Variants in BICD1 observed in about 807,000 individuals in gnomAD.
The protein encoded by BICD1 is BICD cargo adaptor 1.
In BICD1, 35 loss-of-function variants were observed where a neutral mutation model predicts 92.5. The ratio of observed to expected loss-of-function variants is 0.38; its 90% CI spans 0.29 to 0.50. The LOEUF is 0.50. Among genes scored for constraint, BICD1 ranks in the 20% least tolerant of loss-of-function variants. BICD1 has a pLI of 0.93. For missense variants in BICD1, 950 were observed against 1,189.8 expected, an observed-to-expected ratio of 0.80 and a Z score of 2.97; for synonymous variants, 429 against 465.1, an observed-to-expected ratio of 0.92 and a Z score of 1.00.
intron 1 of BICD1, among the ~76,000 whole-genome samples, chr12:32,132,799 A>C (rs1942598209): frequency 6.6e-6 from 1 of 152,186 alleles, no homozygotes; most frequent in African/African-American, 2.4e-5. Flanking sequence ...GATTTCATAC[A>C]TGTTTTTAAA....
At chr12:32,254,497 C>T (rs1370457115) in intron 2 of BICD1, among the ~76,000 whole-genome samples, 1 of 152,220 alleles carries the variant, frequency 6.6e-6, no homozygotes. Context: ...TAACAGGTAC[C>T]ACGTTTTGAC....
chr12:32,328,745 G>T lies in BICD1; in HGVS notation c.2100+190G>T, dbSNP rs1398611809. Among the ~76,000 whole-genome samples the T allele has an allele frequency of 6.6e-6, 1 of 152,134 alleles. No individual in the cohort carries two copies. The highest frequency in any genetic ancestry group is 2.1e-4 in the South Asian group (1 of 4,818). On this transcript the variant is annotated intron_variant, in intron 5 of 9. Transcript: ENST00000652176. The surrounding 1 kb of genome is among the most constrained non-coding windows in gnomAD (Gnocchi z 4.4). Reference sequence around the variant, plus strand: ...TGTTTTTAAATGATGAAATACCTGTGCCCAGTTAGGTGGAGGCAGAGGTGA... The same window carrying T: ...TGTTTTTAAATGATGAAATACCTGTTCCCAGTTAGGTGGAGGCAGAGGTGA...
chr12:32,306,215 ATTTCTTTTCTTT>A (rs947057549), intron 4 of BICD1, 93 bp downstream of exon 4: 64 of 1,238,396 alleles, frequency 5.2e-5, no homozygotes, highest in African/African-American at 4.7e-4. Flanking sequence ...TCACTTCTAG[ATTTCTTTTCTTT>A]TTTCTTTTCT....
chr12:32,188,031 C>T (rs866534097), intron 1 of BICD1, among the ~76,000 whole-genome samples: 13 of 152,090 alleles, frequency 8.5e-5, no homozygotes, highest in African/African-American at 1.2e-4. Flanking sequence ...CTCCGCCTCC[C>T]GGGTTCATGC....
At chr12:32,186,235 G>T (rs1389493195) in intron 1 of BICD1, among the ~76,000 whole-genome samples, 1 of 151,972 alleles carries the variant, frequency 6.6e-6, no homozygotes, top group African/African-American at 2.4e-5. Context: ...TACTAGAGTG[G>T]TGTACATTCA....
intron 2 of BICD1, among the ~76,000 whole-genome samples, chr12:32,262,427 A>G (rs1041856164): frequency 6.6e-5 from 10 of 152,066 alleles, no homozygotes; most frequent in Non-Finnish European, 1.3e-4. Flanking sequence ...GACACCTGCC[A>G]CCCTTCACAT....
chr12:32,220,277 A>C (rs536102682), intron 2 of BICD1, among the ~76,000 whole-genome samples: 2 of 152,322 alleles, frequency 1.3e-5, no homozygotes, highest in African/African-American at 4.8e-5. Context: ...TCTGCACAGC[A>C]AAAGAAACTA....
At chr12:32,259,911 T>C (rs1037809345) in intron 2 of BICD1, among the ~76,000 whole-genome samples, 5 of 151,436 alleles carry the variant, frequency 3.3e-5, no homozygotes, top group East Asian at 3.9e-4. Context: ...AACACATATA[T>C]ATACACTACA....
intron 8 of BICD1, chr12:32,339,745 A>T: frequency 1.0e-6 from 1 of 985,456 alleles, no homozygotes. Flanking sequence ...CAAGGAGCCC[A>T]TAAACCAAAG....
intron 3 of BICD1, 85 bp from the exon 4 acceptor site, chr12:32,305,612 G>A: frequency 8.2e-7 from 1 of 1,222,018 alleles, no homozygotes; most frequent in South Asian, 1.6e-5. Flanking sequence ...TTTGTTAAGT[G>A]ATTAGGTCCA....
At chr12:32,360,744 T>C (rs1408709811) in intron 8 of BICD1, among the ~76,000 whole-genome samples, 1 of 152,208 alleles carries the variant, frequency 6.6e-6, no homozygotes, top group African/African-American at 2.4e-5. Context: ...ATTCATTGAC[T>C]TATATTTATG....
At chr12:32,142,601 C>T (rs1220109935) in intron 1 of BICD1, among the ~76,000 whole-genome samples, 1 of 152,064 alleles carries the variant, frequency 6.6e-6, no homozygotes, top group African/African-American at 2.4e-5. Context: ...ATTACAACAG[C>T]CTTCGCTTCA....
chr12:32,226,165 C>T (rs1210700007), intron 2 of BICD1, among the ~76,000 whole-genome samples: 3 of 152,130 alleles, frequency 2.0e-5, no homozygotes, highest in East Asian at 3.9e-4. Flanking sequence ...GACGGAGTCT[C>T]GCTCTGTCAC....
intron 1 of BICD1, among the ~76,000 whole-genome samples, chr12:32,155,429 A>C (rs1047248660): frequency 6.6e-6 from 1 of 152,248 alleles, no homozygotes; most frequent in African/African-American, 2.4e-5. Context: ...ATTTCAGCTA[A>C]ATTTTTAAAA....
intron 2 of BICD1, among the ~76,000 whole-genome samples, chr12:32,281,248 A>G (rs1220863648): frequency 6.6e-6 from 1 of 152,048 alleles, no homozygotes; most frequent in Non-Finnish European, 1.5e-5. Flanking sequence ...GCCACAATTC[A>G]AACTTGCTAC....
At chr12:32,302,726 T>C (rs1249609391) in intron 3 of BICD1, among the ~76,000 whole-genome samples, 1 of 152,156 alleles carries the variant, frequency 6.6e-6, no homozygotes, top group Non-Finnish European at 1.5e-5. Context: ...ATAGATTTGT[T>C]AATTTTTTGT....
chr12:32,272,631 C>T (rs1293181628), intron 2 of BICD1, among the ~76,000 whole-genome samples: 1 of 152,140 alleles, frequency 6.6e-6, no homozygotes, highest in Non-Finnish European at 1.5e-5. Context: ...TTATTCCAGT[C>T]TGGCCAACAT....
At chr12:32,265,364 T>A (rs1946963506) in intron 2 of BICD1, among the ~76,000 whole-genome samples, 1 of 152,050 alleles carries the variant, frequency 6.6e-6, no homozygotes, top group Admixed American at 6.6e-5. Context: ...GAAAAATGTA[T>A]AAGGTAACTA....
chr12:32,112,845 T>C (rs1941749075), intron 1 of BICD1, among the ~76,000 whole-genome samples: 1 of 152,130 alleles, frequency 6.6e-6, no homozygotes, highest in South Asian at 2.1e-4. Context: ...GATAAGAAGA[T>C]AATAAAAATA....
Sources: gnomAD v4.1 joint callset for allele counts (sites outside exome capture counted in the v4.1 genomes callset) on GRCh38, gnomAD v4.1.1 for gene constraint, Gnocchi (gnomAD v3.1) non-coding constraint, MANE v1.5 for transcripts, NCBI Gene and HGNC (gene_info 2026-07-23, HGNC 2026-07-21) for gene names.